Variants in PTPRD observed in about 807,000 individuals in gnomAD.
The protein encoded by PTPRD is protein tyrosine phosphatase receptor type D.
A neutral mutation model predicts 214.5 loss-of-function variants in PTPRD; 34 were observed. That is an observed-to-expected ratio of 0.16 (90% CI 0.12 to 0.21). The LOEUF is 0.21. PTPRD is among the 10% of genes least tolerant of loss of function. The pLI is 1.00. For missense variants in PTPRD, 2,545 were observed against 2,398.7 expected (o/e 1.06, Z -1.27); for synonymous variants, 1,128 against 845.7 (o/e 1.33, Z -5.79).
At chr9:9,917,322 A>AAAAAAAAAC (rs2081181338) in intron 5 of PTPRD, among the ~76,000 whole-genome samples, 1 of 147,760 alleles carries the variant, frequency 6.8e-6, no homozygotes, top group African/African-American at 2.5e-5. Flanking sequence ...AAAAAAAAAA[A>AAAAAAAAAC]AGAGAGTAGA....
At chr9:8,972,129 A>T (rs2099242299) in intron 11 of PTPRD, among the ~76,000 whole-genome samples, 1 of 151,830 alleles carries the variant, frequency 6.6e-6, no homozygotes, top group African/African-American at 2.4e-5. Flanking sequence ...TCACCCAATG[A>T]CCAACTAACC....
At chr9:9,312,054 T>C (rs1008810187) in intron 9 of PTPRD, among the ~76,000 whole-genome samples, 4 of 152,196 alleles carry the variant, frequency 2.6e-5, no homozygotes, top group African/African-American at 9.6e-5. Flanking sequence ...GTATCTTCAA[T>C]GTGTTTTCAA....
chr9:10,514,465 A>G (rs1163836077), intron 2 of PTPRD, among the ~76,000 whole-genome samples: 1 of 151,600 alleles, frequency 6.6e-6, no homozygotes, highest in African/African-American at 2.4e-5. Context: ...TTATATATAT[A>G]AAATAAACTT....
At chr9:8,445,591 A>C (rs1306096670) in intron 34 of PTPRD, among the ~76,000 whole-genome samples, 2 of 152,190 alleles carry the variant, frequency 1.3e-5, no homozygotes, top group East Asian at 3.9e-4. Context: ...ACATCACTTA[A>C]GTAATAGATT....
intron 11 of PTPRD, among the ~76,000 whole-genome samples, chr9:8,761,663 T>C (rs918253108): frequency 3.3e-5 from 5 of 152,184 alleles, no homozygotes; most frequent in Non-Finnish European, 5.9e-5. Context: ...GTAAAGCTCA[T>C]CTACATGGAT....
chr9:9,392,807 C>T (rs2066340533), intron 9 of PTPRD, among the ~76,000 whole-genome samples: 1 of 152,140 alleles, frequency 6.6e-6, no homozygotes, highest in South Asian at 2.1e-4. Context: ...CTGTTTTCTT[C>T]CAGTCTTCAC....
rs145797780 is a variant in PTPRD, at chr9:10,161,929, T to C, written c.-544-128139A>G. ...AAGAAAACATACAAATGACCAAAAG[T>C]ATATTTTTTAAAAAAATGCTTAACA... On this transcript the variant is annotated intron_variant, in intron 3 of 45. Coordinates refer to ENST00000381196, the MANE Select transcript of PTPRD (RefSeq NM_002839.4). Among the ~76,000 whole-genome samples, 528 of 151,734 alleles carry C rather than the reference T, an allele frequency of 3.5e-3. 3 individuals are homozygous for C. The highest frequency in any genetic ancestry group is 0.01 in the Middle Eastern group (3 of 294).
chr9:8,796,174 TG>T (rs2096415165), intron 11 of PTPRD, among the ~76,000 whole-genome samples: 1 of 152,330 alleles, frequency 6.6e-6, no homozygotes, highest in East Asian at 1.9e-4. Flanking sequence ...TATATCTGCA[TG>T]TTTAAAAACA....
intron 7 of PTPRD, among the ~76,000 whole-genome samples, chr9:9,595,449 T>C (rs1219400320): frequency 6.7e-6 from 1 of 150,158 alleles, no homozygotes; most frequent in African/African-American, 2.4e-5. Context: ...TACACATGCA[T>C]ACACATGTAC....
chr9:8,403,252 C>T (rs1476263608), intron 36 of PTPRD, among the ~76,000 whole-genome samples: 1 of 152,166 alleles, frequency 6.6e-6, no homozygotes, highest in Non-Finnish European at 1.5e-5. Context: ...GGTACTCGAA[C>T]AACTACAGAT....
chr9:9,190,490 T>C (rs966790867), intron 9 of PTPRD, among the ~76,000 whole-genome samples: 3 of 152,038 alleles, frequency 2.0e-5, no homozygotes, highest in Admixed American at 6.6e-5. Flanking sequence ...CCTCCCACCA[T>C]GATTCTGAGG....
intron 3 of PTPRD, among the ~76,000 whole-genome samples, chr9:10,253,737 G>GA (rs2092999237): frequency 6.6e-6 from 1 of 152,090 alleles, no homozygotes; most frequent in Non-Finnish European, 1.5e-5. Context: ...ATACATTGAT[G>GA]AAAAAAATGA....
intron 3 of PTPRD, among the ~76,000 whole-genome samples, chr9:10,281,349 G>C (rs573691547): frequency 2.0e-5 from 3 of 146,636 alleles, no homozygotes; most frequent in African/African-American, 8.3e-5. Context: ...ATGATATTTA[G>C]AAAAATAAGG....
intron 14 of PTPRD, among the ~76,000 whole-genome samples, chr9:8,601,810 G>T (rs2154277787): frequency 6.6e-6 from 1 of 152,258 alleles, no homozygotes; most frequent in South Asian, 2.1e-4. Flanking sequence ...GTTGGAAAAG[G>T]AAAATTAGAA....
chr9:10,414,182 GA>G (rs937535423), intron 2 of PTPRD, among the ~76,000 whole-genome samples: 1 of 151,718 alleles, frequency 6.6e-6, no homozygotes. Context: ...TACAGAATGG[GA>G]AAAAATATTT....
intron 14 of PTPRD, among the ~76,000 whole-genome samples, chr9:8,631,806 C>T (rs1201738252): frequency 2.0e-5 from 3 of 151,792 alleles, no homozygotes; most frequent in African/African-American, 4.8e-5. Context: ...TTTTTAGCAA[C>T]TGGAAATTTC....
chr9:9,218,229 G>C (rs1490660439), intron 9 of PTPRD, among the ~76,000 whole-genome samples: 2 of 152,044 alleles, frequency 1.3e-5, no homozygotes, highest in Admixed American at 6.6e-5. Context: ...GTCTTGTTTT[G>C]GTTTCAATTT....
intron 11 of PTPRD, among the ~76,000 whole-genome samples, chr9:8,965,791 A>G (rs1232514245): frequency 6.6e-6 from 1 of 152,180 alleles, no homozygotes. Context: ...TAGCCAGAGC[A>G]ATTAGGCAAG....
At chr9:10,437,336 A>G (rs138215134) in intron 2 of PTPRD, among the ~76,000 whole-genome samples, 19 of 151,978 alleles carry the variant, frequency 1.3e-4, no homozygotes, top group African/African-American at 3.6e-4. Context: ...TATTCAGACT[A>G]TTGCAAATTG....
Sources: allele counts gnomAD v4.1 joint callset (sites outside exome capture counted in the v4.1 genomes callset), GRCh38; gene constraint gnomAD v4.1.1; transcripts MANE v1.5; gene names NCBI Gene and HGNC (gene_info 2026-07-23, HGNC 2026-07-21).